Variants in LUZP2 observed in about 807,000 individuals in gnomAD.
LUZP2 encodes the protein leucine zipper protein 2.
LUZP2 carries 52 observed loss-of-function variants against 51.6 expected under a neutral mutation model. That is an observed-to-expected ratio of 1.01 (90% CI 0.81 to 1.27). LUZP2 has a LOEUF of 1.27. Among genes scored for constraint, LUZP2 ranks in the 50% most tolerant of loss-of-function variants. LUZP2 has a pLI of 0.00. For missense variants in LUZP2, 436 were observed against 395.4 expected (o/e 1.10, Z -0.87); for synonymous variants, 154 against 137.3 (o/e 1.12, Z -0.85).
intron 9 of LUZP2, among the ~76,000 whole-genome samples, chr11:25,029,335 C>G (rs992293066): frequency 2.0e-5 from 3 of 151,980 alleles, no homozygotes; most frequent in Non-Finnish European, 4.4e-5. Flanking sequence ...ATCTCATGTA[C>G]TCCATAAATA....
intron 1 of LUZP2, among the ~76,000 whole-genome samples, chr11:24,506,611 G>A (rs1301212278): frequency 6.6e-6 from 1 of 151,910 alleles, no homozygotes; most frequent in East Asian, 1.9e-4. Context: ...TATTTCAGTT[G>A]GCCATTTTAT....
At chr11:25,030,467 A>G (rs993856748) in intron 9 of LUZP2, among the ~76,000 whole-genome samples, 10 of 152,098 alleles carry the variant, frequency 6.6e-5, no homozygotes, top group African/African-American at 2.4e-4. Context: ...ATCAAAGGCC[A>G]AGTGTCTATC....
At chr11:24,997,482 T>C (rs1297657906) in intron 9 of LUZP2, among the ~76,000 whole-genome samples, 1 of 152,226 alleles carries the variant, frequency 6.6e-6, no homozygotes, top group Non-Finnish European at 1.5e-5. Context: ...CTTTTTCTTG[T>C]AAATTTGTTT....
intron 1 of LUZP2, among the ~76,000 whole-genome samples, chr11:24,556,069 T>C (rs2133759173): frequency 6.6e-6 from 1 of 152,322 alleles, no homozygotes; most frequent in South Asian, 2.1e-4. Flanking sequence ...TATAATGTTT[T>C]TTAGTCTCTA....
chr11:24,967,832 A>T (rs1397565908), intron 7 of LUZP2, among the ~76,000 whole-genome samples: 1 of 152,056 alleles, frequency 6.6e-6, no homozygotes, highest in African/African-American at 2.4e-5. Flanking sequence ...GCTATATTCA[A>T]CATATAGACT....
rs1225224385 is a variant in LUZP2 at position 24,649,999 on chromosome 11, A to T, written c.63-79170A>T. ...GAGACACACACACACACACACACAC[A>T]CACACACAGATAACATTTTGATGTT... On this transcript the variant is annotated intron_variant, in intron 1 of 11. Transcript: ENST00000336930. Among the ~76,000 whole-genome samples, 4 of 151,740 alleles carry T rather than the reference A, an allele frequency of 2.6e-5. No individual in the cohort carries two copies. The East Asian group carries it at 7.8e-4, about 30-fold the overall frequency.
At chr11:24,655,170 G>A (rs919553229) in intron 1 of LUZP2, among the ~76,000 whole-genome samples, 4 of 152,014 alleles carry the variant, frequency 2.6e-5, no homozygotes, top group Non-Finnish European at 5.9e-5. Flanking sequence ...ATTTTACACT[G>A]GTGTAATTAA....
chr11:24,745,594 A>C (rs1859349645), intron 4 of LUZP2, among the ~76,000 whole-genome samples: 1 of 151,946 alleles, frequency 6.6e-6, no homozygotes, highest in Non-Finnish European at 1.5e-5. Context: ...AGTTTATATG[A>C]GTTCTTATGT....
At chr11:24,526,930 C>CTTAAACA (rs1270455655) in intron 1 of LUZP2, among the ~76,000 whole-genome samples, 1 of 151,322 alleles carries the variant, frequency 6.6e-6, no homozygotes, top group Non-Finnish European at 1.5e-5. Flanking sequence ...TCTAAGGGGT[C>CTTAAACA]TTAAACATGA....
At chr11:24,566,905 A>G (rs61875638) in intron 1 of LUZP2, among the ~76,000 whole-genome samples, 12 of 142,536 alleles carry the variant, frequency 8.4e-5, no homozygotes, top group African/African-American at 2.6e-4. Context: ...TATATATGTT[A>G]TATATATATA....
intron 1 of LUZP2, among the ~76,000 whole-genome samples, chr11:24,528,956 G>A (rs867816648): frequency 3.3e-5 from 5 of 150,960 alleles, no homozygotes; most frequent in African/African-American, 1.2e-4. Context: ...GTAGAATGCT[G>A]GGTTAAATCC....
At chr11:24,583,971 C>T (rs1852969326) in intron 1 of LUZP2, among the ~76,000 whole-genome samples, 2 of 152,052 alleles carry the variant, frequency 1.3e-5, no homozygotes, top group Admixed American at 6.6e-5. Context: ...CTCGGCCTCC[C>T]AAAGTGCTGA....
At chr11:24,615,438 T>C (rs984975158) in intron 1 of LUZP2, among the ~76,000 whole-genome samples, 5 of 152,098 alleles carry the variant, frequency 3.3e-5, no homozygotes, top group African/African-American at 1.2e-4. Flanking sequence ...CCTTTTATTT[T>C]ATCCAGTGTA....
chr11:24,674,294 G>C (rs1025551000), intron 1 of LUZP2, among the ~76,000 whole-genome samples: 2 of 152,154 alleles, frequency 1.3e-5, no homozygotes, highest in Admixed American at 6.5e-5. Context: ...TCAGGAGACA[G>C]CCTGTGACCT....
chr11:24,568,996 T>G (rs905281732), intron 1 of LUZP2, among the ~76,000 whole-genome samples: 3 of 151,532 alleles, frequency 2.0e-5, no homozygotes, highest in Non-Finnish European at 4.4e-5. Context: ...TGCATAACAG[T>G]GGAGGTTTTA....
At chr11:24,867,307 G>A (rs1303345986) in intron 5 of LUZP2, among the ~76,000 whole-genome samples, 2 of 152,156 alleles carry the variant, frequency 1.3e-5, no homozygotes. Flanking sequence ...TGACGGTCTG[G>A]GTTAATAGTT....
chr11:24,952,029 C>T (rs932689708), intron 7 of LUZP2, among the ~76,000 whole-genome samples: 1 of 151,514 alleles, frequency 6.6e-6, no homozygotes, highest in South Asian at 2.1e-4. Context: ...GAATACAAGT[C>T]ATTATTTTGC....
intron 1 of LUZP2, among the ~76,000 whole-genome samples, chr11:24,719,673 CA>C (rs1370344514): frequency 2.0e-5 from 3 of 152,206 alleles, no homozygotes; most frequent in African/African-American, 7.2e-5. Context: ...CTTTTCCCAT[CA>C]AGAAGTGAAG....
At chr11:24,945,766 A>G (rs1263475591) in intron 7 of LUZP2, among the ~76,000 whole-genome samples, 1 of 152,004 alleles carries the variant, frequency 6.6e-6, no homozygotes, top group Non-Finnish European at 1.5e-5. Flanking sequence ...TGTCTTTACA[A>G]GTGCTCTTCA....
Sources: gnomAD v4.1 joint callset for allele counts (sites outside exome capture counted in the v4.1 genomes callset) on GRCh38, gnomAD v4.1.1 for gene constraint, MANE v1.5 for transcripts, NCBI Gene and HGNC (gene_info 2026-07-23, HGNC 2026-07-21) for gene names.